Variants in PTGIS observed in about 807,000 individuals in gnomAD.
PTGIS encodes prostaglandin I2 synthase.
A neutral mutation model predicts 50.3 loss-of-function variants in PTGIS; 45 were observed. The observed-to-expected ratio is 0.90, with a 90% confidence interval of 0.70 to 1.15. PTGIS has a LOEUF of 1.15. PTGIS is among the 50% of genes most tolerant of loss of function. The probability of loss-of-function intolerance (pLI) is 0.00; values close to 1 mark genes in which losing one functional copy is unlikely to be tolerated. For missense variants in PTGIS, 668 were observed against 661.3 expected (o/e 1.01, Z -0.11); for synonymous variants, 260 against 267.7 (o/e 0.97, Z 0.28).
chr20:49,555,712 C>T (rs563675864), intron 1 of PTGIS, among the ~76,000 whole-genome samples: 28 of 152,306 alleles, frequency 1.8e-4, no homozygotes, highest in Admixed American at 7.2e-4. Flanking sequence ...ATACCACAGA[C>T]GTAACCAAAT....
intron 6 of PTGIS, 63 bp from the exon 7 acceptor site, chr20:49,514,458 G>A: frequency 6.3e-7 from 1 of 1,576,230 alleles, no homozygotes; most frequent in Non-Finnish European, 8.6e-7. Context: ...CTCTGCCAGG[G>A]ACACAGCTCG....
chr20:49,511,047 C>A lies in PTGIS; in HGVS notation c.1339G>T (p.Ala447Ser), dbSNP rs146531327. ...ACTCACTGTTTGATGCTGTTGACCG[C>A]ATAACTCCTCCCCAGGCAGTGATTG... ...GHNHCLGRSY[A>S]VNSIKQFVFL... The change falls in exon 9 of 10, where the codon GCG becomes TCG. Residue 447 changes from alanine (A) to serine (S), a missense_variant. Physicochemically the swap from Ala to Ser is moderately conservative, Grantham distance 99. Coordinates refer to ENST00000244043, the MANE Select transcript of PTGIS (RefSeq NM_000961.4). The A allele has an allele frequency of 6.2e-6, 10 of 1,613,630 alleles. No homozygotes were observed. Among genetic ancestry groups the A allele is most frequent in the Non-Finnish European group, 8.5e-6 (10 of 1,180,000 alleles).
In PTGIS at chr20:49,507,807, G is replaced by A. The variant is rs1981193460; in HGVS notation, c.*113C>T. 1 of 1,403,972 alleles carries A rather than the reference G, an allele frequency of 7.1e-7. No homozygotes were observed. The highest frequency in any genetic ancestry group is 1.2e-5 in the South Asian group (1 of 83,102). The allele number at this position is 1,403,972 out of a possible 1,614,324, so 87.0% of individuals were successfully genotyped here. A position where few individuals can be genotyped will look rare whatever the true frequency, so the allele number is the denominator to read the frequency against. On this transcript the variant is annotated 3_prime_UTR_variant, in exon 10 of 10. Transcript: ENST00000244043. ...CCTTCTGGGAGAAAAGCAGGGAAGT[G>A]GTAATGCTAGCACCTGCACCCGGGC...
At chr20:49,517,983 G>A (rs574709278) in intron 6 of PTGIS, among the ~76,000 whole-genome samples, 7 of 152,196 alleles carry the variant, frequency 4.6e-5, no homozygotes, top group African/African-American at 1.4e-4. Flanking sequence ...GGGCCAGTGA[G>A]TATCAGTCTT....
In PTGIS at chr20:49,539,702, A is replaced by G; in HGVS notation, c.541T>C (p.Tyr181His). 1.2e-6 allele frequency: 2 copies of G among 1,613,034 alleles called. No homozygotes were observed. Among genetic ancestry groups the G allele is most frequent in the Non-Finnish European group, 8.5e-7 (1 of 1,179,866 alleles). ...FLLRAGYLTL[Y>H]GIEALPRTHE... ...GTGCGTGGCAGCGCCTCAATTCCGT[A>G]AAGAGTCAGGTAGCCGGCTCTGGGG... The change falls in exon 5 of 10, where the codon TAC becomes CAC. Residue 181 changes from tyrosine (Y) to histidine (H), a missense_variant. Coordinates refer to ENST00000244043, the MANE Select transcript of PTGIS (RefSeq NM_000961.4).
At chr20:49,512,046 T>G (rs1981334301) in intron 8 of PTGIS, among the ~76,000 whole-genome samples, 1 of 151,506 alleles carries the variant, frequency 6.6e-6, no homozygotes, top group African/African-American at 2.4e-5. Context: ...AGTGGGTAGA[T>G]AAATGAGTGG....
intron 5 of PTGIS, among the ~76,000 whole-genome samples, chr20:49,534,046 T>C (rs115768671): frequency 0.01 from 1,572 of 152,262 alleles, 30 homozygotes; most frequent in African/African-American, 0.036. Flanking sequence ...TGCTCTTTTT[T>C]GTAACAGTAG....
intron 4 of PTGIS, among the ~76,000 whole-genome samples, chr20:49,542,120 C>T (rs972417767): frequency 2.0e-5 from 3 of 152,174 alleles, no homozygotes; most frequent in African/African-American, 7.2e-5. Flanking sequence ...GCCTGACCTG[C>T]TCAAGGGGCA....
At chr20:49,537,516 A>G (rs1194548491) in intron 5 of PTGIS, among the ~76,000 whole-genome samples, 1 of 152,238 alleles carries the variant, frequency 6.6e-6, no homozygotes, top group Non-Finnish European at 1.5e-5. Flanking sequence ...ACACTTTGGG[A>G]GGCCGAGGCA....
chr20:49,524,161 T>G lies in PTGIS; in HGVS notation c.752A>C (p.His251Pro). 2 of 1,614,210 alleles carry G rather than the reference T, an allele frequency of 1.2e-6. No individual in the cohort carries two copies. The highest frequency in any genetic ancestry group is 1.7e-6 in the Non-Finnish European group (2 of 1,180,030). The change falls in exon 6 of 10, where the codon CAC becomes CCC. Residue 251 changes from histidine (H) to proline (P), a missense_variant. By Grantham distance (77) the His-to-Pro change is moderately conservative. Transcript: ENST00000244043. ...LSPARLARRA[H>P]RSKWLESYLL... ...GTAACTCTCCAGCCATTTGCTCCGGTGGGCCCGCCTGGCCAGCCTGGCTGG... is the reference window on the plus strand; with the variant it reads ...GTAACTCTCCAGCCATTTGCTCCGGGGGGCCCGCCTGGCCAGCCTGGCTGG...
Position 49,516,043 on chromosome 20 carries a change from G to GTT in PTGIS, c.856-1650_856-1649dup, listed in dbSNP as rs10596062. ...CCACAGGCATGTGCTACCCAGCTAG[G>GTT]TTTTTTTTTTTTTTTTGGTAGAGAT... On this transcript the variant is annotated intron_variant, in intron 6 of 9. Transcript: ENST00000244043. Among the ~76,000 whole-genome samples the GTT allele has an allele frequency of 1.1e-4, 15 of 141,108 alleles. No homozygotes were observed. In the South Asian group the frequency reaches 1.1e-3, roughly 11 times the overall value. The allele number at this position is 141,108 out of a possible 152,430, so 92.6% of individuals were successfully genotyped here. A position where few individuals can be genotyped will look rare whatever the true frequency, so the allele number is the denominator to read the frequency against.
At chr20:49,523,829 C>T (rs1981718869) in intron 6 of PTGIS, among the ~76,000 whole-genome samples, 2 of 152,194 alleles carry the variant, frequency 1.3e-5, no homozygotes, top group South Asian at 4.1e-4. Flanking sequence ...GTTCGTGATG[C>T]TATTTGACAG....
chr20:49,515,319 C>T (rs1981448047), intron 6 of PTGIS, among the ~76,000 whole-genome samples: 1 of 152,140 alleles, frequency 6.6e-6, no homozygotes, highest in Non-Finnish European at 1.5e-5. Flanking sequence ...AATAGATAAA[C>T]ACTTAGGAAA....
Position 49,507,386 on chromosome 20 carries a change from C to T in PTGIS, c.*534G>A, listed in dbSNP as rs1981181839. On this transcript the variant is annotated 3_prime_UTR_variant, in exon 10 of 10. Coordinates refer to ENST00000244043, the MANE Select transcript of PTGIS (RefSeq NM_000961.4). The stretch of plus-strand genomic sequence containing the variant: ...CAATGGGGCAATCTGGCAAATGGGG[C>T]CCCAGGGAAGCAGATCTTCTAAGGG... The T allele has an allele frequency of 1.5e-5, 3 of 202,484 alleles. No individual in the cohort carries two copies. Among genetic ancestry groups the T allele is most frequent in the South Asian group, 9.3e-5 (1 of 10,782 alleles). The allele number at this position is 202,484 out of a possible 1,614,324, so 12.5% of individuals were successfully genotyped here. A position where few individuals can be genotyped will look rare whatever the true frequency, so the allele number is the denominator to read the frequency against.
At chr20:49,523,061 G>A (rs1981694796) in intron 6 of PTGIS, among the ~76,000 whole-genome samples, 1 of 152,078 alleles carries the variant, frequency 6.6e-6, no homozygotes, top group Admixed American at 6.6e-5. Context: ...AAACAGAAGA[G>A]TCAGAATGAC....
intron 5 of PTGIS, among the ~76,000 whole-genome samples, chr20:49,537,691 G>C (rs560375859): frequency 1.8e-4 from 28 of 152,278 alleles, no homozygotes; most frequent in African/African-American, 6.5e-4. Flanking sequence ...GGAAGCAGAG[G>C]TTGCAGCGAG....
In PTGIS at chr20:49,518,322, C is replaced by G. The variant is rs534044495; in HGVS notation, c.856-3927G>C. Reference sequence around the variant, plus strand: ...TTGGGAGAAGGGGGCTAAGGGAGATCCCTGCACCTTTCCTTCAATTTTGTT... The same window carrying G: ...TTGGGAGAAGGGGGCTAAGGGAGATGCCTGCACCTTTCCTTCAATTTTGTT... On this transcript the variant is annotated intron_variant, in intron 6 of 9. Transcript: ENST00000244043. Among the ~76,000 whole-genome samples the G allele has an allele frequency of 2.6e-5, 4 of 152,258 alleles. No individual in the cohort carries two copies. In the East Asian group the frequency reaches 7.7e-4, roughly 29 times the overall value.
chr20:49,539,836 G>T, intron 4 of PTGIS, 115 bp from the exon 5 acceptor site: 3 of 1,377,364 alleles, frequency 2.2e-6, no homozygotes, highest in Non-Finnish European at 3.0e-6. Context: ...CCTACTGTGC[G>T]CCAAAGACCA....
chr20:49,512,005 G>C (rs1981333631), intron 8 of PTGIS, among the ~76,000 whole-genome samples: 1 of 151,554 alleles, frequency 6.6e-6, no homozygotes, highest in South Asian at 2.1e-4. Flanking sequence ...GGGTGGATAA[G>C]TAGAAGAATG....
Sources: allele counts gnomAD v4.1 joint callset (sites outside exome capture counted in the v4.1 genomes callset), GRCh38; gene constraint gnomAD v4.1.1; transcripts MANE v1.5; gene names NCBI Gene and HGNC (gene_info 2026-07-23, HGNC 2026-07-21).